TMEM182: variants seen among roughly 807,000 people sequenced by gnomAD.
The protein encoded by TMEM182 is transmembrane protein 182.
Under a neutral mutation model 26.8 loss-of-function variants are expected in TMEM182, and 20 were observed. The ratio of observed to expected loss-of-function variants is 0.75; its 90% CI spans 0.53 to 1.09. The LOEUF is 1.09. Among genes scored for constraint, TMEM182 ranks in the 50% least tolerant of loss-of-function variants. TMEM182 has a pLI of 0.00. For missense variants in TMEM182, 277 were observed against 275.5 expected (o/e 1.01, Z -0.04); for synonymous variants, 109 against 102.2 (o/e 1.07, Z -0.40).
In TMEM182 at chr2:102,817,213, T is replaced by A. The variant is rs1682786990; in HGVS notation, c.*2245T>A. 1.0e-6 allele frequency: 1 copy of A among 985,326 alleles called. No individual in the cohort carries two copies. Among genetic ancestry groups the A allele is most frequent in the Non-Finnish European group, 1.2e-6 (1 of 829,912 alleles). 61.0% of individuals were successfully genotyped at this position (985,326 alleles called of 1,614,324 possible). ...ACCTTATATCTGATTTGAGATACTG[T>A]GTTGCCAAATGTCCATGTTATGTTT... On this transcript the variant is annotated 3_prime_UTR_variant, in exon 5 of 5. Coordinates refer to ENST00000412401, the MANE Select transcript of TMEM182 (RefSeq NM_144632.5).
chr2:102,824,233 T>C (rs905573101), intron 3 of TMEM182, among the ~76,000 whole-genome samples: 1 of 152,106 alleles, frequency 6.6e-6, no homozygotes, highest in Non-Finnish European at 1.5e-5. Flanking sequence ...GATACTGCGG[T>C]TTTTGACTGA....
At chr2:102,830,941 T>C (rs1414716676) in intron 3 of TMEM182, among the ~76,000 whole-genome samples, 4 of 152,206 alleles carry the variant, frequency 2.6e-5, no homozygotes, top group Non-Finnish European at 2.9e-5. Flanking sequence ...ATCCCACAAA[T>C]AAGTGAGAAC....
At chr2:102,776,744 G>C (rs1680931286) in intron 3 of TMEM182, among the ~76,000 whole-genome samples, 1 of 152,144 alleles carries the variant, frequency 6.6e-6, no homozygotes, top group South Asian at 2.1e-4. Context: ...CTTCCAAAGA[G>C]ACCATACCAT....
At chr2:102,756,119 A>ATG (rs1680023005) in intron 1 of TMEM182, among the ~76,000 whole-genome samples, 1 of 152,204 alleles carries the variant, frequency 6.6e-6, no homozygotes, top group Non-Finnish European at 1.5e-5. Flanking sequence ...AGGAAGGATG[A>ATG]TGTGTGTGTA....
chr2:102,742,537 T>C (rs1194008466), intron 1 of TMEM182, among the ~76,000 whole-genome samples: 1 of 152,130 alleles, frequency 6.6e-6, no homozygotes, highest in Admixed American at 6.5e-5. Context: ...ATTTTCCAAA[T>C]TTAATGACAG....
intron 3 of TMEM182, among the ~76,000 whole-genome samples, chr2:102,773,212 G>A (rs1465237071): frequency 6.6e-6 from 1 of 151,818 alleles, no homozygotes; most frequent in Admixed American, 6.6e-5. Context: ...AAAAAAAAAA[G>A]GATAAAAGTT....
At chr2:102,788,900 C>G (rs1304076381) in intron 3 of TMEM182, among the ~76,000 whole-genome samples, 1 of 152,170 alleles carries the variant, frequency 6.6e-6, no homozygotes, top group East Asian at 1.9e-4. Flanking sequence ...TTGGCATGTT[C>G]ACGATTGTGG....
chr2:102,762,460 A>G, intron 1 of TMEM182, 111 bp downstream of exon 1: 2 of 1,538,682 alleles, frequency 1.3e-6, no homozygotes, highest in African/African-American at 1.4e-5. Context: ...CATGGAAGAG[A>G]TATGTAGAAA....
At chr2:102,762,022 A>G, upstream of TMEM182, 1 of 482,242 alleles carries the variant, frequency 2.1e-6, no homozygotes, top group Non-Finnish European at 3.7e-6. Context: ...GGGCGAGCAA[A>G]GGGAATATGA....
At chr2:102,817,734 G>T, downstream of TMEM182, 1 of 981,662 alleles carries the variant, frequency 1.0e-6, no homozygotes, top group South Asian at 4.7e-5. Flanking sequence ...AATATATATG[G>T]GTGCATGTCT....
At chr2:102,740,779 C>T (rs766933618) in intron 1 of TMEM182, among the ~76,000 whole-genome samples, 13 of 152,132 alleles carry the variant, frequency 8.5e-5, no homozygotes, top group Non-Finnish European at 1.3e-4. Flanking sequence ...TCCATACAAG[C>T]CTTATTTGTA....
chr2:102,758,452 G>T (rs1558755074), upstream of TMEM182: 2 of 716,522 alleles, frequency 2.8e-6, no homozygotes, highest in Non-Finnish European at 5.2e-6. Context: ...GAAGAAAAAA[G>T]ACACCTTTTA....
At chr2:102,745,920 G>A (rs1291658807) in intron 1 of TMEM182, among the ~76,000 whole-genome samples, 3 of 152,150 alleles carry the variant, frequency 2.0e-5, no homozygotes, top group African/African-American at 7.2e-5. Flanking sequence ...GAACATTTGT[G>A]TATAAGTTTT....
At chr2:102,843,627 A>C (rs142539347) in exon 4 of TMEM182, 1 of 152,202 alleles carries the variant, frequency 6.6e-6, no homozygotes, top group South Asian at 2.1e-4. Flanking sequence ...GTTGCAAGAC[A>C]CTTGGAAGCA....
At chr2:102,782,072 G>A (rs1011741496) in intron 3 of TMEM182, among the ~76,000 whole-genome samples, 2 of 152,134 alleles carry the variant, frequency 1.3e-5, no homozygotes, top group Non-Finnish European at 2.9e-5. Flanking sequence ...TTGGGAGGCC[G>A]AGGCAGGTGA....
rs573681968 is a variant in TMEM182, at chr2:102,815,623, T to G, written c.*655T>G. The stretch of plus-strand genomic sequence containing the variant: ...CTTAATTGTGCATGCTTACATAAAC[T>G]TTAAACTACATTTAAAACTAGCAAA... On this transcript the variant is annotated 3_prime_UTR_variant, in exon 5 of 5. Transcript: ENST00000412401. 1.0e-6 allele frequency: 1 copy of G among 985,360 alleles called. No individual in the cohort carries two copies. Among genetic ancestry groups the G allele is most frequent in the Non-Finnish European group, 1.2e-6 (1 of 829,944 alleles). The allele number at this position is 985,360 out of a possible 1,614,324, so 61.0% of individuals were successfully genotyped here.
chr2:102,841,263 G>A (rs991279399), intron 3 of TMEM182, among the ~76,000 whole-genome samples: 1 of 152,162 alleles, frequency 6.6e-6, no homozygotes, highest in African/African-American at 2.4e-5. Flanking sequence ...CAGGGTCTGG[G>A]TATTAATCGT....
chr2:102,786,210 G>GTTTTTTTT (rs772846502), intron 3 of TMEM182, among the ~76,000 whole-genome samples: 20 of 91,784 alleles, frequency 2.2e-4, no homozygotes, highest in Non-Finnish European at 2.6e-4. Context: ...TCAGCAATCT[G>GTTTTTTTT]TTTTTTTTTT....
intron 3 of TMEM182, among the ~76,000 whole-genome samples, chr2:102,787,783 G>A (rs1330398903): frequency 6.6e-6 from 1 of 152,176 alleles, no homozygotes; most frequent in Admixed American, 6.5e-5. Context: ...GGATTCTCCA[G>A]ATAGCCCTGA....
Sources: allele counts gnomAD v4.1 joint callset (sites outside exome capture counted in the v4.1 genomes callset), GRCh38; gene constraint gnomAD v4.1.1; transcripts MANE v1.5; gene names NCBI Gene and HGNC (gene_info 2026-07-23, HGNC 2026-07-21).